The following TACC2 variants were observed in gnomAD, a reference collection of about 807,000 sequenced individuals.
TACC2 encodes the protein transforming acidic coiled-coil containing protein 2.
TACC2 carries 137 observed loss-of-function variants against 227.3 expected under a neutral mutation model. The observed-to-expected ratio is 0.60, with a 90% CI of 0.52 to 0.69. TACC2 has a LOEUF of 0.69. TACC2 is among the 30% of genes least tolerant of loss of function. TACC2 has a pLI of 0.00. For missense variants in TACC2, 3,470 were observed against 3,694.4 expected (o/e 0.94, Z 1.57); for synonymous variants, 1,523 against 1,487.5 (o/e 1.02, Z -0.55).
intron 5 of TACC2, among the ~76,000 whole-genome samples, chr10:122,132,066 A>AAGAAAGAAAGAAAGAAAGAAAGAAAG (rs1555059146): frequency 1.7e-4 from 10 of 58,320 alleles, no homozygotes; most frequent in East Asian, 1.4e-3. Context: ...GAAAGAAAGA[A>AAGAAAGAAAGAAAGAAAGAAAGAAAG]AAAGAAAGAA....
chr10:122,237,148 C>T (rs1423970463), intron 16 of TACC2, among the ~76,000 whole-genome samples: 2 of 152,190 alleles, frequency 1.3e-5, no homozygotes, highest in Non-Finnish European at 2.9e-5. Flanking sequence ...GACTCCAAGG[C>T]CTCGGAGCTT....
intron 1 of TACC2, among the ~76,000 whole-genome samples, chr10:122,006,322 G>A (rs1237677604): frequency 6.6e-6 from 1 of 152,006 alleles, no homozygotes; most frequent in African/African-American, 2.4e-5. Flanking sequence ...GGTGGCTCAC[G>A]CCTGTAGTCC....
At chr10:122,204,159 A>T (rs1161198309) in intron 8 of TACC2, among the ~76,000 whole-genome samples, 6 of 97,674 alleles carry the variant, frequency 6.1e-5, no homozygotes, top group Non-Finnish European at 2.0e-5. Context: ...AAAGAGAGGG[A>T]GAGGGAGACC....
chr10:122,145,909 G>A (rs1213824650), intron 7 of TACC2, among the ~76,000 whole-genome samples: 1 of 152,184 alleles, frequency 6.6e-6, no homozygotes, highest in East Asian at 1.9e-4. Context: ...TGTGTGGGTT[G>A]CTTCTGAATC....
intron 8 of TACC2, among the ~76,000 whole-genome samples, chr10:122,197,517 C>G (rs1053387902): frequency 2.0e-5 from 3 of 152,192 alleles, no homozygotes; most frequent in Non-Finnish European, 2.9e-5. Flanking sequence ...AAAACGAACA[C>G]GCACAACATC....
At position 122,083,076 on chromosome 10, in the gene TACC2, T is replaced by C. The variant is rs779002808; in HGVS notation, c.576T>C (p.Ser192=). 1.2e-6 allele frequency: 2 copies of C among 1,612,838 alleles called. No homozygotes were observed. Among genetic ancestry groups the C allele is most frequent in the South Asian group, 1.1e-5 (1 of 91,076 alleles). Reference sequence around the variant, plus strand: ...AGAAGTCCTCCTTCTCCTTCTCCAGTGGCATCGACCAGTCACCTGGAATGT... The same window carrying C: ...AGAAGTCCTCCTTCTCCTTCTCCAGCGGCATCGACCAGTCACCTGGAATGT... The part of the protein sequence containing the change: ...EGQKSSFSFS[S]GIDQSPGMSP... Residue 192 remains serine, a synonymous_variant, in exon 4 of 23, where the codon AGT becomes AGC. Coordinates refer to ENST00000369005, the MANE Select transcript of TACC2 (RefSeq NM_206862.4).
In TACC2 at chr10:122,229,369, C is replaced by G; in HGVS notation, c.7920C>G (p.Ala2640=). 6.2e-7 allele frequency: 1 copy of G among 1,614,074 alleles called. No individual in the cohort carries two copies. Among genetic ancestry groups the G allele is most frequent in the Non-Finnish European group, 8.5e-7 (1 of 1,180,028 alleles). The change falls in exon 15 of 23, where the codon GCC becomes GCG. Residue 2640 remains alanine (A), a synonymous_variant. Transcript: ENST00000369005. The part of the protein sequence containing the change: ...IEITAPEGSF[A]SADALLSRLA... Reference sequence around the variant, plus strand: ...AGACAGCTCCCGAGGGCTCCTTTGCCTCTGCTGACGCCCTCCTCAGCAGGC... The same window carrying G: ...AGACAGCTCCCGAGGGCTCCTTTGCGTCTGCTGACGCCCTCCTCAGCAGGC...
In TACC2 at chr10:122,088,468, A is replaced by G. The variant is rs148403524; in HGVS notation, c.5460-10A>G. 167 of 1,603,418 alleles carry G rather than the reference A, an allele frequency of 1.0e-4. No homozygotes were observed. In the African/African-American group the frequency reaches 1.9e-3, roughly 19 times the overall value. ...ATTATCCTATTAATTGCTTTCTTTT[A>G]TTATCCCAGAGAGAGCCCCAGGCCT... is the stretch of plus-strand genomic sequence containing the variant. On this transcript the variant is annotated splice_polypyrimidine_tract_variant and intron_variant, in intron 4 of 22. Coordinates refer to ENST00000369005, the MANE Select transcript of TACC2 (RefSeq NM_206862.4).
intron 6 of TACC2, among the ~76,000 whole-genome samples, chr10:122,142,496 G>A (rs2090750807): frequency 6.6e-6 from 1 of 152,228 alleles, no homozygotes; most frequent in African/African-American, 2.4e-5. Context: ...GGTGCCTATG[G>A]CAGCTGCCCT....
chr10:122,048,654 G>A (rs901203308), intron 2 of TACC2, among the ~76,000 whole-genome samples: 93 of 152,168 alleles, frequency 6.1e-4, no homozygotes, highest in African/African-American at 2.2e-3. Flanking sequence ...CACCGCACCC[G>A]GCTGGGGAGG....
chr10:122,068,471 A>G (rs1345200954), intron 3 of TACC2, among the ~76,000 whole-genome samples: 1 of 152,164 alleles, frequency 6.6e-6, no homozygotes, highest in Non-Finnish European at 1.5e-5. Flanking sequence ...TATTTGGAAC[A>G]ACTTAATCCT....
intron 15 of TACC2, among the ~76,000 whole-genome samples, 190 bp downstream of exon 15, chr10:122,229,676 TG>T (rs2095697565): frequency 1.3e-5 from 2 of 152,190 alleles, no homozygotes; most frequent in Non-Finnish European, 2.9e-5. Context: ...ATGTAAATTG[TG>T]TGATTACATA....
intron 13 of TACC2, among the ~76,000 whole-genome samples, chr10:122,226,889 C>T (rs1209705952): frequency 3.3e-5 from 5 of 152,178 alleles, no homozygotes; most frequent in Admixed American, 6.5e-5. Flanking sequence ...CACTTTATTC[C>T]ATCATTTGTC....
intron 10 of TACC2, 63 bp from the exon 11 acceptor site, chr10:122,216,564 G>A: frequency 6.4e-7 from 1 of 1,550,514 alleles, no homozygotes; most frequent in Non-Finnish European, 8.8e-7. Context: ...CAGACCTGAG[G>A]GTGGGCACAG....
intron 7 of TACC2, among the ~76,000 whole-genome samples, chr10:122,146,636 C>T (rs535542739): frequency 6.6e-6 from 1 of 152,290 alleles, no homozygotes; most frequent in East Asian, 1.9e-4. Context: ...AGAAGGCCCT[C>T]ACCAGATGCT....
intron 2 of TACC2, among the ~76,000 whole-genome samples, chr10:122,049,002 G>T (rs905391806): frequency 6.6e-6 from 1 of 152,232 alleles, no homozygotes; most frequent in Non-Finnish European, 1.5e-5. Flanking sequence ...TGTGCATTGT[G>T]AATTTCTAAA....
intron 8 of TACC2, among the ~76,000 whole-genome samples, chr10:122,204,548 C>T (rs1490683509): frequency 6.6e-6 from 1 of 152,156 alleles, no homozygotes; most frequent in Non-Finnish European, 1.5e-5. Context: ...CAGAGAGGGA[C>T]ATGTGGGCCG....
At chr10:122,113,281 C>T (rs1242596741) in intron 5 of TACC2, 1 of 152,328 alleles carries the variant, frequency 6.6e-6, no homozygotes, top group Non-Finnish European at 1.5e-5. Context: ...AAGATGGGCG[C>T]CCGAAGGACC....
chr10:122,242,017 T>C lies in TACC2; in HGVS notation c.8392+16T>C. The C allele has an allele frequency of 6.2e-7, 1 of 1,613,148 alleles. No individual in the cohort carries two copies. The highest frequency in any genetic ancestry group is 1.1e-5 in the South Asian group (1 of 91,050). Reference sequence around the variant, plus strand: ...CAGATGATAGGTAGGTGTCCTGACCTGCGGGGGCTCAGGCCGGCCCCGATG... The same window carrying C: ...CAGATGATAGGTAGGTGTCCTGACCCGCGGGGGCTCAGGCCGGCCCCGATG... On this transcript the variant is annotated intron_variant, in intron 19 of 22. Coordinates refer to ENST00000369005, the MANE Select transcript of TACC2 (RefSeq NM_206862.4).
Sources: allele counts gnomAD v4.1 joint callset (sites outside exome capture counted in the v4.1 genomes callset), GRCh38; gene constraint gnomAD v4.1.1; transcripts MANE v1.5; gene names NCBI Gene and HGNC (gene_info 2026-07-23, HGNC 2026-07-21).